Variants in FBXL7 observed in about 807,000 individuals in gnomAD.
FBXL7 encodes F-box and leucine rich repeat protein 7, also known as F-box/LRR-repeat protein 7.
In FBXL7, 12 loss-of-function variants were observed where a neutral mutation model predicts 38.3. The observed-to-expected ratio is 0.31, with a 90% CI of 0.20 to 0.51. The LOEUF is 0.51. Among genes scored for constraint, FBXL7 ranks in the 20% least tolerant of loss-of-function variants. The pLI is 0.98. For missense variants in FBXL7, 567 were observed against 676.4 expected (o/e 0.84, Z 1.79); for synonymous variants, 297 against 300.9 (o/e 0.99, Z 0.13).
At chr5:15,621,668 C>G (rs1740648243) in intron 2 of FBXL7, among the ~76,000 whole-genome samples, 1 of 152,100 alleles carries the variant, frequency 6.6e-6, no homozygotes, top group Non-Finnish European at 1.5e-5. Context: ...TTTTCTGGAG[C>G]TGGGGGAAGG....
At chr5:15,604,831 G>A (rs2126499722) in intron 1 of FBXL7, among the ~76,000 whole-genome samples, 1 of 152,204 alleles carries the variant, frequency 6.6e-6, no homozygotes, top group East Asian at 1.9e-4. Flanking sequence ...AGTTGAGGCT[G>A]TAGCTCTGGC....
intron 2 of FBXL7, among the ~76,000 whole-genome samples, chr5:15,742,171 A>G (rs1735908826): frequency 6.6e-6 from 1 of 152,216 alleles, no homozygotes; most frequent in Non-Finnish European, 1.5e-5. Flanking sequence ...TGAGAAATAC[A>G]AATAGTTTGG....
chr5:15,865,398 C>T (rs937771668), intron 2 of FBXL7, among the ~76,000 whole-genome samples: 3 of 152,110 alleles, frequency 2.0e-5, no homozygotes, highest in South Asian at 4.2e-4. Flanking sequence ...CCTGAATGTT[C>T]GAAGAGGGCT....
At chr5:15,598,677 A>G (rs1446970327) in intron 1 of FBXL7, among the ~76,000 whole-genome samples, 5 of 152,132 alleles carry the variant, frequency 3.3e-5, no homozygotes, top group East Asian at 3.9e-4. Context: ...ATGGCGTCCA[A>G]CAAGGCCTAT....
Position 15,500,407 on chromosome 5 carries a change from G to A in FBXL7, c.-270G>A. 3.0e-6 allele frequency: 1 copy of A among 329,606 alleles called. No homozygotes were observed. The highest frequency in any genetic ancestry group is 5.5e-6 in the Non-Finnish European group (1 of 180,396). The allele number at this position is 329,606 out of a possible 1,614,324, so 20.4% of individuals were successfully genotyped here. ...GGCGGCCCCGGGGCGCGGGCTGTGC[G>A]CGGCGCTGCGCCCGCCGGCCCCCAG... On this transcript the variant is annotated 5_prime_UTR_variant, in exon 1 of 4. Transcript: ENST00000504595.
intron 1 of FBXL7, among the ~76,000 whole-genome samples, chr5:15,543,980 A>T (rs1737830101): frequency 6.6e-6 from 1 of 152,294 alleles, no homozygotes; most frequent in African/African-American, 2.4e-5. Flanking sequence ...CAGCTAAAAC[A>T]GGGTGGGAGG....
chr5:15,621,628 G>T (rs1226074599), intron 2 of FBXL7, among the ~76,000 whole-genome samples: 1 of 152,184 alleles, frequency 6.6e-6, no homozygotes, highest in African/African-American at 2.4e-5. Context: ...AAGGTATGAG[G>T]CTATGGCTCT....
chr5:15,654,881 TAA>T (rs2126575411), intron 2 of FBXL7, among the ~76,000 whole-genome samples: 1 of 152,382 alleles, frequency 6.6e-6, no homozygotes, highest in South Asian at 2.1e-4. Flanking sequence ...GTTCTGATTA[TAA>T]GTCTCTATAA....
intron 2 of FBXL7, among the ~76,000 whole-genome samples, chr5:15,902,352 C>T (rs1227804978): frequency 1.3e-5 from 2 of 152,242 alleles, no homozygotes; most frequent in Non-Finnish European, 2.9e-5. Flanking sequence ...CGTGTCCACA[C>T]AGTCATTACT....
intron 2 of FBXL7, among the ~76,000 whole-genome samples, chr5:15,784,570 G>C (rs529072118): frequency 6.6e-6 from 1 of 152,192 alleles, no homozygotes; most frequent in Non-Finnish European, 1.5e-5. Context: ...AGGTGGGTCG[G>C]GGGGCGGGGA....
intron 2 of FBXL7, among the ~76,000 whole-genome samples, chr5:15,728,600 A>T (rs1274738207): frequency 6.6e-6 from 1 of 152,140 alleles, no homozygotes; most frequent in Non-Finnish European, 1.5e-5. Flanking sequence ...AAAAACTGGG[A>T]TTCTGGTTTG....
Position 15,719,705 on chromosome 5 carries a change from T to C in FBXL7, c.127+103633T>C, listed in dbSNP as rs765096491. ...TGTGAGTGTGTTTATCTTTCTAAAA[T>C]CTTTACAAGGACGGCACTTATTTGT... is the stretch of plus-strand genomic sequence containing the variant. On this transcript the variant is annotated intron_variant, in intron 2 of 3. Transcript: ENST00000504595. Among the ~76,000 whole-genome samples, 8 of 149,012 alleles carry C rather than the reference T, an allele frequency of 5.4e-5. 1 individual carries two copies. The highest frequency in any genetic ancestry group is 3.5e-3 in the Middle Eastern group (1 of 288).
At chr5:15,867,043 G>A (rs561948544) in intron 2 of FBXL7, among the ~76,000 whole-genome samples, 8 of 152,204 alleles carry the variant, frequency 5.3e-5, no homozygotes, top group South Asian at 2.1e-4. Flanking sequence ...ATAGAGCAGC[G>A]CTTTTTTTCC....
At chr5:15,644,531 G>T (rs1580430356) in intron 2 of FBXL7, among the ~76,000 whole-genome samples, 1 of 147,848 alleles carries the variant, frequency 6.8e-6, no homozygotes, top group Non-Finnish European at 1.5e-5. Context: ...CGTGGGTGGT[G>T]GGGGGACAGA....
intron 2 of FBXL7, among the ~76,000 whole-genome samples, chr5:15,755,438 C>T (rs1426127591): frequency 6.6e-6 from 1 of 152,118 alleles, no homozygotes; most frequent in African/African-American, 2.4e-5. Context: ...TTCTCTCTCT[C>T]TCTTTCTCTC....
chr5:15,861,482 C>T (rs1739469611), intron 2 of FBXL7, among the ~76,000 whole-genome samples: 1 of 152,184 alleles, frequency 6.6e-6, no homozygotes, highest in Non-Finnish European at 1.5e-5. Context: ...CACGGACACC[C>T]AACAAAGGAC....
At chr5:15,881,669 C>T (rs541263068) in intron 2 of FBXL7, among the ~76,000 whole-genome samples, 61 of 152,218 alleles carry the variant, frequency 4.0e-4, no homozygotes, top group Non-Finnish European at 7.1e-4. Flanking sequence ...TCCCTTTTCT[C>T]TTACCCACCA....
At chr5:15,866,752 A>C (rs569149609) in intron 2 of FBXL7, among the ~76,000 whole-genome samples, 1 of 149,282 alleles carries the variant, frequency 6.7e-6, no homozygotes, top group Non-Finnish European at 1.5e-5. Context: ...ATAAGTGAGA[A>C]TATGCGGTAT....
intron 1 of FBXL7, among the ~76,000 whole-genome samples, chr5:15,502,217 A>T (rs943401638): frequency 1.3e-5 from 2 of 152,114 alleles, no homozygotes; most frequent in African/African-American, 2.4e-5. Flanking sequence ...ACATAGAATC[A>T]CTGCTATGAG....
Sources: gnomAD v4.1 joint callset for allele counts (sites outside exome capture counted in the v4.1 genomes callset) on GRCh38, gnomAD v4.1.1 for gene constraint, MANE v1.5 for transcripts, NCBI Gene and HGNC (gene_info 2026-07-23, HGNC 2026-07-21) for gene names.